Variants in STS observed in about 807,000 individuals in gnomAD.
STS encodes the protein steroid sulfatase, also known as steryl-sulfatase.
A neutral mutation model predicts 26.8 loss-of-function variants in STS; 7 were observed. The ratio of observed to expected loss-of-function variants is 0.26; its 90% CI spans 0.15 to 0.49. STS has a LOEUF of 0.49. Among genes scored for constraint, STS ranks in the 20% least tolerant of loss-of-function variants. The pLI is 0.98. For missense variants in STS, 434 were observed against 465.6 expected (o/e 0.93, Z 0.63); for synonymous variants, 199 against 189.4 (o/e 1.05, Z -0.42).
At chrX:7,300,131 C>A (rs1270089373) in intron 7 of STS, among the ~76,000 whole-genome samples, 1 of 111,899 alleles carries the variant, frequency 8.9e-6, no homozygotes, top group Non-Finnish European at 1.9e-5. Flanking sequence ...TCCAAGGTTT[C>A]TTCTTTGGGA....
chrX:7,172,799 A>G (rs750425847), intron 1 of STS, among the ~76,000 whole-genome samples: 2 of 112,010 alleles, frequency 1.8e-5, no homozygotes, highest in Non-Finnish European at 3.8e-5. Flanking sequence ...TCTTACCTAC[A>G]AATAACAAAA....
At chrX:7,233,091 CT>C (rs3077766) in intron 2 of STS, among the ~76,000 whole-genome samples, 16,983 of 69,114 alleles carry the variant, frequency 0.25, 1,183 homozygotes, top group East Asian at 0.3. Flanking sequence ...TTCTTTTTTT[CT>C]TTTTTTTTTT....
At chrX:7,230,204 G>T (rs1921999011) in intron 2 of STS, among the ~76,000 whole-genome samples, 1 of 111,289 alleles carries the variant, frequency 9.0e-6, no homozygotes, top group Non-Finnish European at 1.9e-5. Flanking sequence ...GCTTTTTGAT[G>T]GATCTTAAAA....
At chrX:7,240,835 G>A (rs1306049622) in intron 2 of STS, among the ~76,000 whole-genome samples, 4 of 109,501 alleles carry the variant, frequency 3.7e-5, no homozygotes, top group South Asian at 8.0e-4. Flanking sequence ...GGCCATTGTC[G>A]TGCGATCCAC....
intron 6 of STS, among the ~76,000 whole-genome samples, chrX:7,261,260 A>G (rs1923734146): frequency 9.0e-6 from 1 of 111,403 alleles, no homozygotes; most frequent in Admixed American, 9.6e-5. Flanking sequence ...TGATTTAAAA[A>G]TTATAAAGGA....
intron 7 of STS, among the ~76,000 whole-genome samples, chrX:7,276,482 A>G (rs1924545184): frequency 9.0e-6 from 1 of 111,099 alleles, no homozygotes; most frequent in Non-Finnish European, 1.9e-5. Flanking sequence ...AAAAAAATAT[A>G]TATATCTTTA....
In STS at chrX:7,253,185, G is replaced by C. The variant is rs144194433; in HGVS notation, c.-4-11G>C. On this transcript the variant is annotated splice_polypyrimidine_tract_variant and intron_variant, in intron 2 of 10. Coordinates refer to ENST00000674429, the MANE Select transcript of STS (RefSeq NM_001320752.2). ...TCCTTCAGTTCCTTTTTGTGTCCTT[G>C]TCCTTTACAGGAAGATGAAGATCCC... 2.5e-6 allele frequency: 3 copies of C among 1,210,354 alleles called. No homozygotes were observed. Among genetic ancestry groups the C allele is most frequent in the Non-Finnish European group, 3.4e-6 (3 of 894,793 alleles).
chrX:7,248,890 TA>T lies in STS; in HGVS notation c.-4-4298del, dbSNP rs1179786064. Among the ~76,000 whole-genome samples the T allele has an allele frequency of 1.5e-4, 17 of 110,508 alleles. No individual in the cohort carries two copies. In the East Asian group the frequency reaches 4.6e-3, roughly 30 times the overall value. On this transcript the variant is annotated intron_variant, in intron 2 of 10. Transcript: ENST00000674429. The stretch of plus-strand genomic sequence containing the variant: ...ATTCCCCTGGGATTGAGTACTTATT[TA>T]AAAAAAATAATAATCTACCACCCAT...
At chrX:7,281,874 G>A (rs1229105921) in intron 7 of STS, among the ~76,000 whole-genome samples, 1 of 112,225 alleles carries the variant, frequency 8.9e-6, no homozygotes, top group African/African-American at 3.2e-5. Context: ...TAACCCCTCT[G>A]TATATAGGTT....
At chrX:7,295,968 C>T in intron 7 of STS, among the ~76,000 whole-genome samples, 2 of 111,439 alleles carry the variant, frequency 1.8e-5, no homozygotes, top group Non-Finnish European at 3.8e-5. Context: ...ATGGTAAAAT[C>T]CAATGCAAAG....
At chrX:7,239,951 C>T (rs1325042840) in intron 2 of STS, among the ~76,000 whole-genome samples, 1 of 102,153 alleles carries the variant, frequency 9.8e-6, no homozygotes, top group African/African-American at 3.6e-5. Context: ...GTGTCTCGAT[C>T]TCGGCTCACT....
At chrX:7,285,347 A>G (rs1925080203) in intron 7 of STS, among the ~76,000 whole-genome samples, 1 of 111,898 alleles carries the variant, frequency 8.9e-6, no homozygotes, top group African/African-American at 3.2e-5. Flanking sequence ...ATTGAGATAT[A>G]TTTATCTGAT....
intron 2 of STS, among the ~76,000 whole-genome samples, chrX:7,224,806 C>G (rs1224893515): frequency 2.7e-5 from 3 of 112,504 alleles, no homozygotes; most frequent in Non-Finnish European, 5.6e-5. Context: ...CCTTCTGGGT[C>G]TAATCGTCTG....
chrX:7,231,604 G>T (rs979362095), intron 2 of STS, among the ~76,000 whole-genome samples: 1 of 111,171 alleles, frequency 9.0e-6, no homozygotes, highest in African/African-American at 3.3e-5. Context: ...ATAACTCACA[G>T]TCTGCCTACA....
Position 7,257,481 on chromosome X carries a change from C to G in STS, c.275C>G (p.Ser92Cys). The G allele has an allele frequency of 2.5e-6, 3 of 1,212,108 alleles. No homozygotes were observed. The highest frequency in any genetic ancestry group is 3.3e-6 in the Non-Finnish European group (3 of 895,540). Residue 92 changes from serine (S) to cysteine (C), a missense_variant, in exon 5 of 11, where the codon TCC (serine) becomes TGC (cysteine). Around this residue, in one of 2 missense-constraint regions of STS, gnomAD observed 229 missense variants for 288.3 expected, o/e 0.79. Coordinates refer to ENST00000674429, the MANE Select transcript of STS (RefSeq NM_001320752.2). ...YPVRSGMASW[S>C]RTGVFLFTAS... is the part of the protein sequence containing the mutation. ...CCTGGTCCAGGAATGGCATCTTGGT[C>G]CCGCACTGGAGTTTTCCTCTTCACA...
At chrX:7,272,528 A>G (rs1924332317) in intron 6 of STS, among the ~76,000 whole-genome samples, 1 of 111,786 alleles carries the variant, frequency 8.9e-6, no homozygotes, top group Non-Finnish European at 1.9e-5. Flanking sequence ...CATAAACCAC[A>G]TCCCTTCTAA....
intron 9 of STS, among the ~76,000 whole-genome samples, chrX:7,331,982 C>A (rs974841450): frequency 2.1e-4 from 22 of 106,565 alleles, no homozygotes; most frequent in African/African-American, 7.5e-4. Flanking sequence ...TTTAAAAAAA[C>A]CTCAAATATT....
intron 7 of STS, among the ~76,000 whole-genome samples, chrX:7,303,431 T>C (rs1258560471): frequency 9.0e-6 from 1 of 111,110 alleles, no homozygotes; most frequent in East Asian, 2.9e-4. Flanking sequence ...TTATGGTGAT[T>C]AGTACTTGGG....
At chrX:7,212,506 C>G (rs1921075910) in intron 2 of STS, among the ~76,000 whole-genome samples, 2 of 111,326 alleles carry the variant, frequency 1.8e-5, no homozygotes, top group South Asian at 7.6e-4. Flanking sequence ...AAAAAGAATT[C>G]TGTCTCAAGA....
Sources: allele counts gnomAD v4.1 joint callset (sites outside exome capture counted in the v4.1 genomes callset), GRCh38; gene constraint gnomAD v4.1.1; regional missense constraint gnomAD v4.1.1; transcripts MANE v1.5; gene names NCBI Gene and HGNC (gene_info 2026-07-23, HGNC 2026-07-21).